The following GIMAP2 variants were observed in gnomAD, a reference collection of about 807,000 sequenced individuals.
The protein encoded by GIMAP2 is GTPase, IMAP family member 2.
In GIMAP2, 22 loss-of-function variants were observed where a neutral mutation model predicts 25.5. That is an observed-to-expected ratio of 0.86 (90% CI 0.62 to 1.23). The LOEUF (loss-of-function observed/expected upper bound fraction) is 1.23. Ranked by LOEUF, GIMAP2 falls within the 50% of genes most tolerant of loss-of-function variation. GIMAP2 has a pLI of 0.00. For synonymous variants in GIMAP2, 167 were observed against 143.0 expected, an observed-to-expected ratio of 1.17 and a Z score of -1.20; for missense variants, 422 against 395.7, an observed-to-expected ratio of 1.07 and a Z score of -0.56.
rs1796990361 is a variant in GIMAP2, at chr7:150,693,246, AATG to A, written c.963_965del (p.Met321del). The stretch of plus-strand genomic sequence containing the variant: ...TGCTGTTTATTATACCCAAAAAGTT[AATG>A]ATATTTTTGAGAACAGTTATTAGAC... On this transcript the variant is annotated inframe_deletion, in exon 3 of 3. Coordinates refer to ENST00000223293, the MANE Select transcript of GIMAP2 (RefSeq NM_015660.3). 6.3e-7 allele frequency: 1 copy of A among 1,598,602 alleles called. No homozygotes were observed. Among genetic ancestry groups the A allele is most frequent in the East Asian group, 2.2e-5 (1 of 44,830 alleles).
chr7:150,693,133 T>A lies in GIMAP2; in HGVS notation c.847T>A (p.Leu283Met). 5 of 1,613,582 alleles carry A rather than the reference T, an allele frequency of 3.1e-6. No homozygotes were observed. Among genetic ancestry groups the A allele is most frequent in the Non-Finnish European group, 4.2e-6 (5 of 1,179,476 alleles). ...VLFCIQLFLR[L>M]IILWLCILHS... ...ATTTTGTATTCAGTTGTTTCTCAGA[T>A]TGATAATTCTGTGGCTTTGCATACT... is the stretch of plus-strand genomic sequence containing the variant. Residue 283 changes from leucine (L) to methionine (M), a missense_variant, in exon 3 of 3, where the codon TTG (leucine) becomes ATG (methionine). Leu to Met is a conservative substitution (Grantham distance 15). Transcript: ENST00000223293.
chr7:150,687,691 C>T (rs1796919406), intron 2 of GIMAP2, among the ~76,000 whole-genome samples: 1 of 151,692 alleles, frequency 6.6e-6, no homozygotes, highest in African/African-American at 2.4e-5. Context: ...GTCTTCTCTT[C>T]CTTCTCTCAC....
Position 150,692,062 on chromosome 7 carries a change from C to CAAA in GIMAP2, c.29-241_29-239dup, listed in dbSNP as rs36051941. ...GAAACCCTGTCTCTACTAAAACTAC[C>CAAA]AAAAAAAAAAAAAATTAGCGGGATG... On this transcript the variant is annotated intron_variant, in intron 2 of 2. Transcript: ENST00000223293. 6.2e-3 allele frequency among the ~76,000 whole-genome samples: 892 copies of CAAA among 144,532 alleles called. 4 individuals are homozygous for CAAA. Among genetic ancestry groups the CAAA allele is most frequent in the Middle Eastern group, 0.014 (4 of 282 alleles). 94.8% of individuals were successfully genotyped at this position (144,532 alleles called of 152,430 possible). A position where few individuals can be genotyped will look rare whatever the true frequency, so the allele number is the denominator to read the frequency against.
chr7:150,690,439 A>G (rs929378292), intron 2 of GIMAP2, among the ~76,000 whole-genome samples: 3 of 152,200 alleles, frequency 2.0e-5, no homozygotes. Context: ...CCAGCTAAGA[A>G]CAAGACCACT....
At chr7:150,687,439 A>ATT (rs577970305) in intron 2 of GIMAP2, 36 of 190,758 alleles carry the variant, frequency 1.9e-4, no homozygotes, top group South Asian at 3.4e-4. Flanking sequence ...CGCCCAGCTA[A>ATT]TTTTTTTTTG....
chr7:150,691,700 C>T (rs58568453), intron 2 of GIMAP2, among the ~76,000 whole-genome samples: 33,419 of 152,050 alleles, frequency 0.22, 3,792 homozygotes, highest in East Asian at 0.3. Flanking sequence ...GCCTTGCCTA[C>T]GCATCTCTGA....
intron 1 of GIMAP2, among the ~76,000 whole-genome samples, chr7:150,686,824 A>C (rs1487286683): frequency 2.6e-5 from 4 of 151,442 alleles, no homozygotes; most frequent in Non-Finnish European, 5.9e-5. Context: ...CACACCCATA[A>C]TCCCAGCTAC....
Position 150,692,913 on chromosome 7 carries a change from A to G in GIMAP2, c.627A>G (p.Lys209=). 1 of 1,614,236 alleles carries G rather than the reference A, an allele frequency of 6.2e-7. No homozygotes were observed. The highest frequency in any genetic ancestry group is 8.5e-7 in the Non-Finnish European group (1 of 1,180,042). Residue 209 remains lysine, a synonymous_variant, in exon 3 of 3, where the codon AAA becomes AAG. Coordinates refer to ENST00000223293, the MANE Select transcript of GIMAP2 (RefSeq NM_015660.3). ...MDCIEDLLME[K]NGDHYTNGLY... is the part of the protein sequence containing the mutation. Reference sequence around the variant, plus strand: ...GTATTGAGGATCTGTTGATGGAGAAAAATGGTGATCACTATACCAATGGGT... The same window carrying G: ...GTATTGAGGATCTGTTGATGGAGAAGAATGGTGATCACTATACCAATGGGT...
At chr7:150,686,957 A>AG (rs1464204376) in intron 1 of GIMAP2, 95 bp from the exon 2 acceptor site, 347 of 827,552 alleles carry the variant, frequency 4.2e-4, no homozygotes, top group East Asian at 1.4e-3. Flanking sequence ...AAAAAAAAAA[A>AG]AAAAAAGAAA....
At chr7:150,685,880 AT>A in intron 1 of GIMAP2, 95 bp downstream of exon 1, 1 of 325,972 alleles carries the variant, frequency 3.1e-6, no homozygotes, top group Non-Finnish European at 4.4e-6. Context: ...AATTTGTCCT[AT>A]TTTAAGAGAA....
chr7:150,687,105 C>CGTGTGTGT lies in GIMAP2; in HGVS notation c.28+61_28+68dup, dbSNP rs35656746. On this transcript the variant is annotated intron_variant, in intron 2 of 2. Coordinates refer to ENST00000223293, the MANE Select transcript of GIMAP2 (RefSeq NM_015660.3). ...TCACTGGGGTAAGAAGGTGACTTCACGTGTGTGTGTGTGTGTGTGTGTGTG... is the reference window on the plus strand; with the variant it reads ...TCACTGGGGTAAGAAGGTGACTTCACGTGTGTGTGTGTGTGTGTGTGTGTGTGTGTGTG... The CGTGTGTGT allele has an allele frequency of 1.5e-3, 1,849 of 1,268,710 alleles. 6 individuals are homozygous for CGTGTGTGT. Among genetic ancestry groups the CGTGTGTGT allele is most frequent in the African/African-American group, 2.7e-3 (158 of 58,552 alleles). The allele number at this position is 1,268,710 out of a possible 1,614,324, so 78.6% of individuals were successfully genotyped here.
chr7:150,688,831 G>A (rs1234353), intron 2 of GIMAP2, among the ~76,000 whole-genome samples: 41,705 of 152,124 alleles, frequency 0.27, 6,256 homozygotes, highest in Middle Eastern at 0.38. Context: ...ACACTGTGGA[G>A]TCGCCACAGG....
intron 2 of GIMAP2, among the ~76,000 whole-genome samples, chr7:150,691,103 T>G (rs1265931715): frequency 6.6e-6 from 1 of 152,180 alleles, no homozygotes; most frequent in Non-Finnish European, 1.5e-5. Flanking sequence ...TCCGTTTCAC[T>G]CATATAGGTC....
chr7:150,688,289 C>A (rs938035261), intron 2 of GIMAP2, among the ~76,000 whole-genome samples: 1 of 152,052 alleles, frequency 6.6e-6, no homozygotes, highest in African/African-American at 2.4e-5. Flanking sequence ...TGTCATCATG[C>A]CTGGCTAATT....
intron 2 of GIMAP2, among the ~76,000 whole-genome samples, chr7:150,690,446 C>T (rs553103117): frequency 5.9e-5 from 9 of 152,252 alleles, no homozygotes; most frequent in African/African-American, 1.7e-4. Context: ...AGAACAAGAC[C>T]ACTGGTGGGC....
chr7:150,687,289 T>TG, intron 2 of GIMAP2: 1 of 555,668 alleles, frequency 1.8e-6, no homozygotes, highest in Non-Finnish European at 3.2e-6. Flanking sequence ...TTTGTTTGTT[T>TG]TGAGACAGTG....
intron 2 of GIMAP2, among the ~76,000 whole-genome samples, chr7:150,691,702 C>T (rs1242558118): frequency 6.6e-6 from 1 of 152,188 alleles, no homozygotes; most frequent in Non-Finnish European, 1.5e-5. Flanking sequence ...CTTGCCTACG[C>T]ATCTCTGATC....
chr7:150,691,836 C>T (rs1239316561), intron 2 of GIMAP2, among the ~76,000 whole-genome samples: 1 of 152,222 alleles, frequency 6.6e-6, no homozygotes, highest in Non-Finnish European at 1.5e-5. Flanking sequence ...CATGGCAATA[C>T]CCTGCAGTCC....
At chr7:150,687,924 C>T (rs533138806) in intron 2 of GIMAP2, among the ~76,000 whole-genome samples, 86 of 152,222 alleles carry the variant, frequency 5.6e-4, no homozygotes, top group African/African-American at 1.9e-3. Flanking sequence ...TGTCTTCAGT[C>T]TCTTACATCA....
Sources: gnomAD v4.1 joint callset for allele counts (sites outside exome capture counted in the v4.1 genomes callset) on GRCh38, gnomAD v4.1.1 for gene constraint, MANE v1.5 for transcripts, NCBI Gene and HGNC (gene_info 2026-07-23, HGNC 2026-07-21) for gene names.